The following ZKSCAN1 variants were observed in gnomAD, a reference collection of about 807,000 sequenced individuals.
The protein encoded by ZKSCAN1 is zinc finger protein with KRAB and SCAN domains 1.
Under a neutral mutation model 51.6 loss-of-function variants are expected in ZKSCAN1, and 14 were observed. The ratio of observed to expected loss-of-function variants is 0.27; its 90% CI spans 0.18 to 0.42. ZKSCAN1 has a LOEUF of 0.42. Ranked by LOEUF, ZKSCAN1 falls within the 10% of genes least tolerant of loss-of-function variation. ZKSCAN1 has a pLI of 1.00. For missense variants in ZKSCAN1, 531 were observed against 710.0 expected (o/e 0.75, Z 2.86); for synonymous variants, 263 against 261.5 (o/e 1.01, Z -0.06).
Position 100,024,323 on chromosome 7 carries a change from T to G in ZKSCAN1, c.580+16T>G, listed in dbSNP as rs755452492. The G allele has an allele frequency of 6.2e-7, 1 of 1,613,272 alleles. No individual in the cohort carries two copies. Among genetic ancestry groups the G allele is most frequent in the East Asian group, 2.2e-5 (1 of 44,878 alleles). On this transcript the variant is annotated intron_variant, in intron 3 of 5. Transcript: ENST00000324306. ...CAGTCACGAGGTAAGAAGCAAGGTT[T>G]CATTTAGGGGAAGGGAAATGATTCA... is the stretch of plus-strand genomic sequence containing the variant.
Position 100,041,179 on chromosome 7 carries a change from T to G in ZKSCAN1, c.*6982T>G. ...TCCTGTTTTGTCAGTTCCCAGCTTC[T>G]TCGTTTAGAATAAATTAGACCAAAA... On this transcript the variant is annotated 3_prime_UTR_variant, in exon 6 of 6. Coordinates refer to ENST00000324306, the MANE Select transcript of ZKSCAN1 (RefSeq NM_003439.4). 1 of 734,250 alleles carries G rather than the reference T, an allele frequency of 1.4e-6. No homozygotes were observed. 45.5% of individuals were successfully genotyped at this position (734,250 alleles called of 1,614,324 possible). A position where few individuals can be genotyped will look rare whatever the true frequency, so the allele number is the denominator to read the frequency against.
At chr7:100,042,424 G>C (rs184982499), downstream of ZKSCAN1, among the ~76,000 whole-genome samples, 15 of 152,004 alleles carry the variant, frequency 9.9e-5, no homozygotes, top group African/African-American at 3.6e-4. Flanking sequence ...GACACAATGT[G>C]GGATTTTTTT....
At position 100,030,241 on chromosome 7, in the gene ZKSCAN1, T is replaced by C. The variant is rs1160089783; in HGVS notation, c.673-8T>C. ...GGGGAAATGACTGTTTGTCTCGTGT[T>C]ATTTTAGGCAATGGTGAAGATCGAG... On this transcript the variant is annotated splice_region_variant and splice_polypyrimidine_tract_variant and intron_variant, in intron 4 of 5. Coordinates refer to ENST00000324306, the MANE Select transcript of ZKSCAN1 (RefSeq NM_003439.4). 1.2e-6 allele frequency: 2 copies of C among 1,612,864 alleles called. No homozygotes were observed. The highest frequency in any genetic ancestry group is 3.3e-5 in the Admixed American group (2 of 59,980).
chr7:100,037,437 A>G lies in ZKSCAN1; in HGVS notation c.*3240A>G. ...AAAGCACTTAATATTAAAGGCATAA[A>G]AGTGAAACTGCTAAATATGTATAGA... is the stretch of plus-strand genomic sequence containing the variant. On this transcript the variant is annotated 3_prime_UTR_variant, in exon 6 of 6. Transcript: ENST00000324306. 1 of 985,458 alleles carries G rather than the reference A, an allele frequency of 1.0e-6. No homozygotes were observed. Among genetic ancestry groups the G allele is most frequent in the Non-Finnish European group, 1.2e-6 (1 of 829,936 alleles). The allele number at this position is 985,458 out of a possible 1,614,324, so 61.0% of individuals were successfully genotyped here.
chr7:100,030,244 T>G lies in ZKSCAN1; in HGVS notation c.673-5T>G. 1 of 1,613,454 alleles carries G rather than the reference T, an allele frequency of 6.2e-7. No homozygotes were observed. Among genetic ancestry groups the G allele is most frequent in the Non-Finnish European group, 8.5e-7 (1 of 1,179,572 alleles). On this transcript the variant is annotated splice_region_variant and splice_polypyrimidine_tract_variant and intron_variant, in intron 4 of 5. Coordinates refer to ENST00000324306, the MANE Select transcript of ZKSCAN1 (RefSeq NM_003439.4). ...GAAATGACTGTTTGTCTCGTGTTATTTTAGGCAATGGTGAAGATCGAGGAC... is the reference window on the plus strand; with the variant it reads ...GAAATGACTGTTTGTCTCGTGTTATGTTAGGCAATGGTGAAGATCGAGGAC...
chr7:100,030,716 A>ATG (rs2115915662), intron 5 of ZKSCAN1, among the ~76,000 whole-genome samples: 1 of 11,256 alleles, frequency 8.9e-5, no homozygotes, highest in African/African-American at 6.0e-4. Flanking sequence ...TGTCGGGGGA[A>ATG]TATCTTTCCT....
intron 1 of ZKSCAN1, chr7:100,016,994 C>G (rs1442843965): frequency 6.6e-6 from 1 of 152,152 alleles, no homozygotes; most frequent in Admixed American, 6.6e-5. Flanking sequence ...GTTTTCACCA[C>G]TCTTAAAATA....
intron 3 of ZKSCAN1, among the ~76,000 whole-genome samples, chr7:100,027,959 G>T (rs771394336): frequency 1.1e-4 from 17 of 152,012 alleles, no homozygotes; most frequent in Non-Finnish European, 2.2e-4. Flanking sequence ...TTGCTCTTTA[G>T]TAAATAGTTC....
Position 100,041,296 on chromosome 7 carries a change from G to T in ZKSCAN1, c.*7099G>T, listed in dbSNP as rs923360783. 1.0e-6 allele frequency: 1 copy of T among 984,764 alleles called. No individual in the cohort carries two copies. The highest frequency in any genetic ancestry group is 1.2e-6 in the Non-Finnish European group (1 of 829,462). The allele number at this position is 984,764 out of a possible 1,614,324, so 61.0% of individuals were successfully genotyped here. On this transcript the variant is annotated 3_prime_UTR_variant, in exon 6 of 6. Coordinates refer to ENST00000324306, the MANE Select transcript of ZKSCAN1 (RefSeq NM_003439.4). ...ATTTTACTAGGTTCCGAAGAGTCCA[G>T]ATGCTTGGTAGATGTTCAATACGTG...
At position 100,037,213 on chromosome 7, in the gene ZKSCAN1, A is replaced by T. The variant is rs1427976557; in HGVS notation, c.*3016A>T. 6 of 985,450 alleles carry T rather than the reference A, an allele frequency of 6.1e-6. No homozygotes were observed. The highest frequency in any genetic ancestry group is 2.3e-4 in the East Asian group (2 of 8,818). 61.0% of individuals were successfully genotyped at this position (985,450 alleles called of 1,614,324 possible). ...AGTTCTTGGCCCGCTGAAGTCTGTT[A>T]ACAGTTGAAACATTCTACAGTTAAC... On this transcript the variant is annotated 3_prime_UTR_variant, in exon 6 of 6. Coordinates refer to ENST00000324306, the MANE Select transcript of ZKSCAN1 (RefSeq NM_003439.4).
At chr7:100,022,113 G>A (rs535680287) in intron 1 of ZKSCAN1, among the ~76,000 whole-genome samples, 25 of 152,186 alleles carry the variant, frequency 1.6e-4, no homozygotes, top group Non-Finnish European at 2.8e-4. Flanking sequence ...GGAGTGCAGT[G>A]GCGCGATCTC....
In ZKSCAN1 at chr7:100,024,289, C is replaced by T. The variant is rs201057645; in HGVS notation, c.562C>T (p.Arg188Cys). The change falls in exon 3 of 6, where the codon CGC (arginine) becomes TGC (cysteine). Residue 188 changes from arginine to cysteine, a missense_variant. Arg to Cys is a radical substitution (Grantham distance 180). Transcript: ENST00000324306. ...SHFKHSSRKP[R>C]LLQSRALPAA... ...CTTCAAACATTCGTCTCGGAAACCC[C>T]GCCTCTTACAGTCACGAGGTAAGAA... The T allele has an allele frequency of 5.8e-5, 93 of 1,613,994 alleles. No individual in the cohort carries two copies. Among genetic ancestry groups the T allele is most frequent in the East Asian group, 2.2e-4 (10 of 44,880 alleles).
chr7:100,016,644 C>T (rs1790378119), intron 1 of ZKSCAN1, among the ~76,000 whole-genome samples: 1 of 152,178 alleles, frequency 6.6e-6, no homozygotes, highest in African/African-American at 2.4e-5. Flanking sequence ...TAGCTTGACA[C>T]TCCTCCATCC....
rs1791185633 is a variant in ZKSCAN1 at position 100,033,158 on chromosome 7, C to T, written c.800-147C>T. Reference sequence around the variant, plus strand: ...CTGCACTCCAGCCTGGGCGACAGAGCGAGACTCTGTCTCAAAGGAAATAAA... The same window carrying T: ...CTGCACTCCAGCCTGGGCGACAGAGTGAGACTCTGTCTCAAAGGAAATAAA... On this transcript the variant is annotated intron_variant, in intron 5 of 5. Transcript: ENST00000324306. The surrounding 1 kb of genome is among the most constrained non-coding windows in gnomAD (Gnocchi z 4.1). 4 of 1,335,192 alleles carry T rather than the reference C, an allele frequency of 3.0e-6. No homozygotes were observed. Among genetic ancestry groups the T allele is most frequent in the Middle Eastern group, 2.7e-4 (1 of 3,688 alleles). The allele number at this position is 1,335,192 out of a possible 1,614,324, so 82.7% of individuals were successfully genotyped here. A position where few individuals can be genotyped will look rare whatever the true frequency, so the allele number is the denominator to read the frequency against.
At chr7:100,029,371 C>T (rs1478653955) in intron 3 of ZKSCAN1, among the ~76,000 whole-genome samples, 7 of 152,010 alleles carry the variant, frequency 4.6e-5, no homozygotes, top group African/African-American at 1.2e-4. Flanking sequence ...GCAATCCTCC[C>T]GCCTCACCTG....
At position 100,024,258 on chromosome 7, in the gene ZKSCAN1, G is replaced by A. The variant is rs1276251223; in HGVS notation, c.531G>A (p.Gln177=). The change falls in exon 3 of 6, where the codon CAG becomes CAA. Residue 177 remains glutamine (Q), a synonymous_variant. Coordinates refer to ENST00000324306, the MANE Select transcript of ZKSCAN1 (RefSeq NM_003439.4). ...SSFDLHHEAT[Q]SHFKHSSRKP... ...TTGACCTTCATCACGAGGCCACCCA[G>A]TCCCACTTCAAACATTCGTCTCGGA... 1 of 1,613,914 alleles carries A rather than the reference G, an allele frequency of 6.2e-7. No homozygotes were observed. The highest frequency in any genetic ancestry group is 2.2e-5 in the East Asian group (1 of 44,890).
chr7:100,035,834 C>CT lies in ZKSCAN1; in HGVS notation c.*1638dup. 1 of 985,414 alleles carries CT rather than the reference C, an allele frequency of 1.0e-6. No homozygotes were observed. Among genetic ancestry groups the CT allele is most frequent in the Non-Finnish European group, 1.2e-6 (1 of 829,944 alleles). 61.0% of individuals were successfully genotyped at this position (985,414 alleles called of 1,614,324 possible). ...CTACCTAGAAGCTGATGGCAGGAGA[C>CT]TGTTTCACACACAGGAGATTGTGAG... On this transcript the variant is annotated 3_prime_UTR_variant, in exon 6 of 6. Transcript: ENST00000324306.
chr7:100,037,305 C>T lies in ZKSCAN1; in HGVS notation c.*3108C>T. Reference sequence around the variant, plus strand: ...TTTTCAATATATACCCTACCCTTGCCAGGAAGAGAAGTAAAATCCTCAGGT... The same window carrying T: ...TTTTCAATATATACCCTACCCTTGCTAGGAAGAGAAGTAAAATCCTCAGGT... On this transcript the variant is annotated 3_prime_UTR_variant, in exon 6 of 6. Coordinates refer to ENST00000324306, the MANE Select transcript of ZKSCAN1 (RefSeq NM_003439.4). The T allele has an allele frequency of 1.0e-6, 1 of 985,356 alleles. No individual in the cohort carries two copies. The highest frequency in any genetic ancestry group is 1.2e-6 in the Non-Finnish European group (1 of 829,918). The allele number at this position is 985,356 out of a possible 1,614,324, so 61.0% of individuals were successfully genotyped here.
At chr7:100,018,024 T>G (rs1790442465) in intron 1 of ZKSCAN1, among the ~76,000 whole-genome samples, 1 of 152,230 alleles carries the variant, frequency 6.6e-6, no homozygotes, top group African/African-American at 2.4e-5. Flanking sequence ...TTTATATCTA[T>G]TACCTCATTT....
Sources: allele counts gnomAD v4.1 joint callset (sites outside exome capture counted in the v4.1 genomes callset), GRCh38; gene constraint gnomAD v4.1.1; non-coding constraint Gnocchi (gnomAD v3.1); transcripts MANE v1.5; gene names NCBI Gene and HGNC (gene_info 2026-07-23, HGNC 2026-07-21).